The following KCNH7 variants were observed in gnomAD, a reference collection of about 807,000 sequenced individuals.
The protein encoded by KCNH7 is potassium voltage-gated channel subfamily H member 7.
KCNH7 carries 49 observed loss-of-function variants against 120.8 expected under a neutral mutation model. That is an observed-to-expected ratio of 0.41 (90% CI 0.32 to 0.51). The LOEUF (loss-of-function observed/expected upper bound fraction) is 0.51. KCNH7 is among the 20% of genes least tolerant of loss of function. KCNH7 has a pLI of 0.38. For missense variants in KCNH7, 1,097 were observed against 1,446.6 expected (o/e 0.76, Z 3.92); for synonymous variants, 547 against 516.1 (o/e 1.06, Z -0.81).
At chr2:162,749,376 T>TATAGG (rs755944337) in intron 2 of KCNH7, among the ~76,000 whole-genome samples, 2 of 152,128 alleles carry the variant, frequency 1.3e-5, no homozygotes, top group Admixed American at 6.6e-5. Context: ...GCAAATTAAA[T>TATAGG]ATTAGATACT....
chr2:162,592,715 G>A (rs946905050), intron 2 of KCNH7, among the ~76,000 whole-genome samples: 1 of 152,014 alleles, frequency 6.6e-6, no homozygotes, highest in Non-Finnish European at 1.5e-5. Context: ...GCATAATGAT[G>A]TTAAAATAAA....
intron 6 of KCNH7, among the ~76,000 whole-genome samples, chr2:162,484,849 A>G (rs999961648): frequency 2.0e-5 from 3 of 152,092 alleles, no homozygotes; most frequent in Admixed American, 2.0e-4. Context: ...ATCTCTGTGC[A>G]TGTTGGCTCC....
chr2:162,437,783 T>C (rs1447298094), intron 7 of KCNH7, among the ~76,000 whole-genome samples: 1 of 152,154 alleles, frequency 6.6e-6, no homozygotes, highest in Non-Finnish European at 1.5e-5. Context: ...GTGAAATGGG[T>C]TGAAAGAGCT....
At chr2:162,472,627 T>C (rs1209823349) in intron 6 of KCNH7, among the ~76,000 whole-genome samples, 5 of 152,196 alleles carry the variant, frequency 3.3e-5, no homozygotes, top group Non-Finnish European at 5.9e-5. Context: ...AGGAACACTT[T>C]TACACTGTTG....
At chr2:162,722,102 G>T (rs957919555) in intron 2 of KCNH7, among the ~76,000 whole-genome samples, 4 of 151,862 alleles carry the variant, frequency 2.6e-5, no homozygotes, top group Non-Finnish European at 5.9e-5. Flanking sequence ...ACCACTAAGG[G>T]AACATAAGCA....
At chr2:162,698,181 C>A (rs1193762396) in intron 2 of KCNH7, among the ~76,000 whole-genome samples, 1 of 152,020 alleles carries the variant, frequency 6.6e-6, no homozygotes, top group Non-Finnish European at 1.5e-5. Flanking sequence ...TTAATTTTTG[C>A]AAGAAGATAA....
At chr2:162,602,137 C>T (rs1694578997) in intron 2 of KCNH7, among the ~76,000 whole-genome samples, 1 of 151,994 alleles carries the variant, frequency 6.6e-6, no homozygotes, top group South Asian at 2.1e-4. Flanking sequence ...TTACTACATA[C>T]TTTCAAATGG....
At chr2:162,769,957 T>C (rs1434835190) in intron 2 of KCNH7, among the ~76,000 whole-genome samples, 1 of 152,114 alleles carries the variant, frequency 6.6e-6, no homozygotes, top group Non-Finnish European at 1.5e-5. Context: ...TTTAGAATGG[T>C]ACAATACAAA....
chr2:162,427,055 GT>G (rs1011435257), intron 8 of KCNH7, among the ~76,000 whole-genome samples: 59 of 146,344 alleles, frequency 4.0e-4, no homozygotes, highest in South Asian at 2.8e-3. Context: ...TCAGTAATTT[GT>G]TTTTTTTTTA....
chr2:162,658,214 A>G (rs1684839218), intron 2 of KCNH7, among the ~76,000 whole-genome samples: 1 of 151,816 alleles, frequency 6.6e-6, no homozygotes, highest in South Asian at 2.1e-4. Context: ...TTGTGTGGAC[A>G]TCCAGTTTGT....
At chr2:162,482,333 G>A (rs1216914485) in intron 6 of KCNH7, among the ~76,000 whole-genome samples, 4 of 152,220 alleles carry the variant, frequency 2.6e-5, no homozygotes, top group Non-Finnish European at 5.9e-5. Flanking sequence ...CAGAGCAGAT[G>A]TGATGTGCTG....
At chr2:162,744,566 A>C (rs1688246310) in intron 2 of KCNH7, among the ~76,000 whole-genome samples, 1 of 141,090 alleles carries the variant, frequency 7.1e-6, no homozygotes, top group African/African-American at 2.8e-5. Flanking sequence ...TAATTCACAG[A>C]ACTTTTTTTT....
At chr2:162,406,052 T>C (rs1687206025) in intron 9 of KCNH7, among the ~76,000 whole-genome samples, 1 of 152,002 alleles carries the variant, frequency 6.6e-6, no homozygotes, top group Non-Finnish European at 1.5e-5. Flanking sequence ...TAAATATTCA[T>C]AATGTATTGA....
At chr2:162,580,434 A>C (rs1431929686) in intron 2 of KCNH7, among the ~76,000 whole-genome samples, 1 of 152,082 alleles carries the variant, frequency 6.6e-6, no homozygotes, top group Non-Finnish European at 1.5e-5. Flanking sequence ...TGGGCTCACT[A>C]TAAGAATATG....
At chr2:162,499,441 C>G (rs1275877821) in intron 6 of KCNH7, among the ~76,000 whole-genome samples, 1 of 152,062 alleles carries the variant, frequency 6.6e-6, no homozygotes, top group Non-Finnish European at 1.5e-5. Context: ...TCAGCCTTTA[C>G]TGGCTGGACT....
chr2:162,382,140 T>C (rs1409974719), intron 13 of KCNH7, among the ~76,000 whole-genome samples: 5 of 152,076 alleles, frequency 3.3e-5, no homozygotes, highest in Admixed American at 1.3e-4. Flanking sequence ...AAATTATATA[T>C]AATAAATTGG....
intron 2 of KCNH7, among the ~76,000 whole-genome samples, chr2:162,646,487 G>A (rs1309597430): frequency 6.6e-6 from 1 of 152,178 alleles, no homozygotes; most frequent in East Asian, 1.9e-4. Context: ...TACCACTCTT[G>A]TGATTGTGTT....
intron 4 of KCNH7, among the ~76,000 whole-genome samples, chr2:162,515,349 T>C (rs972528264): frequency 6.6e-6 from 1 of 151,776 alleles, no homozygotes; most frequent in African/African-American, 2.4e-5. Flanking sequence ...GTGCACTAAA[T>C]GGATATCATA....
intron 2 of KCNH7, among the ~76,000 whole-genome samples, chr2:162,547,054 C>T (rs1692504133): frequency 6.6e-6 from 1 of 152,136 alleles, no homozygotes. Context: ...GTTGGGGAGG[C>T]CTCAGGAAAC....
Sources: allele counts gnomAD v4.1 joint callset (sites outside exome capture counted in the v4.1 genomes callset), GRCh38; gene constraint gnomAD v4.1.1; transcripts MANE v1.5; gene names NCBI Gene and HGNC (gene_info 2026-07-23, HGNC 2026-07-21).